Variants in ACSM4 observed in about 807,000 individuals in gnomAD.
The protein encoded by ACSM4 is acyl-coenzyme A synthetase ACSM4, mitochondrial.
Under a neutral mutation model 73.0 loss-of-function variants are expected in ACSM4, and 66 were observed. That is an observed-to-expected ratio of 0.90 (90% CI 0.74 to 1.11). The LOEUF (loss-of-function observed/expected upper bound fraction) is 1.11, where lower values mean the gene tolerates loss of function less well. Among genes scored for constraint, ACSM4 ranks in the 50% least tolerant of loss-of-function variants. The pLI is 0.00. For missense variants in ACSM4, 645 were observed against 714.4 expected (o/e 0.90, Z 1.11); for synonymous variants, 222 against 254.0 (o/e 0.87, Z 1.20).
chr12:7,304,601 C>T, intron 1 of ACSM4, 69 bp downstream of exon 1: 1 of 1,497,280 alleles, frequency 6.7e-7, no homozygotes, highest in Non-Finnish European at 9.3e-7. Context: ...TTTCCTTGTT[C>T]TGTGGTCTAC....
In ACSM4 at chr12:7,310,668, A is replaced by T. The variant is rs373073091; in HGVS notation, c.542A>T (p.Glu181Val). The T allele has an allele frequency of 9.3e-6, 15 of 1,613,358 alleles. No homozygotes were observed. The African/African-American group carries it at 1.9e-4, about 20-fold the overall frequency. Residue 181 changes from glutamate (E) to valine (V), a missense_variant, in exon 3 of 13, where the codon GAG (glutamate) becomes GTG (valine). Transcript: ENST00000399422. ...VAPAVESIVLECPDLKTKLLV... is the reference protein window; with the variant it reads ...VAPAVESIVLVCPDLKTKLLV... ...CCAGCGGTGGAGTCCATTGTATTGG[A>T]GTGTCCTGACCTTAAGACAAAACTC...
rs117228679 is a variant in ACSM4 at position 7,306,670 on chromosome 12, A to G, written c.339A>G (p.Arg113=). ...NVLTKPCGLQ[R]GDRLAVILPR... ...TCACCAAGCCCTGTGGCCTGCAGAG[A>G]GGAGACCGTTTGGCCGTGATTCTGC... is the stretch of plus-strand genomic sequence containing the variant. Residue 113 remains arginine (R), a synonymous_variant, in exon 2 of 13, where the codon AGA becomes AGG. Transcript: ENST00000399422. 44 of 1,611,328 alleles carry G rather than the reference A, an allele frequency of 2.7e-5. No individual in the cohort carries two copies. The East Asian group carries it at 9.6e-4, about 35-fold the overall frequency.
Position 7,323,292 on chromosome 12 carries a change from G to C in ACSM4, c.1184G>C (p.Gly395Ala). The change falls in exon 8 of 13, where the codon GGA becomes GCA. Residue 395 changes from glycine to alanine, a missense_variant. Gly to Ala is a moderately conservative substitution (Grantham distance 60). Coordinates refer to ENST00000399422, the MANE Select transcript of ACSM4 (RefSeq NM_001080454.2). Reference sequence around the variant, plus strand: ...ATTAAACCAGGTTCAATGGGGAAAGGAATGCTGCCCTATGATGTCCAGGTA... The same window carrying C: ...ATTAAACCAGGTTCAATGGGGAAAGCAATGCTGCCCTATGATGTCCAGGTA... ...QEIKPGSMGK[G>A]MLPYDVQIID... The C allele has an allele frequency of 6.2e-7, 1 of 1,611,212 alleles. No individual in the cohort carries two copies. Among genetic ancestry groups the C allele is most frequent in the Non-Finnish European group, 8.5e-7 (1 of 1,178,800 alleles).
At chr12:7,314,625 T>C (rs766640994) in intron 3 of ACSM4, among the ~76,000 whole-genome samples, 5 of 152,126 alleles carry the variant, frequency 3.3e-5, no homozygotes, top group East Asian at 1.9e-4. Context: ...GATAGATAGA[T>C]AGACAGATAG....
At chr12:7,318,301 A>G in intron 5 of ACSM4, 119 bp downstream of exon 5, 1 of 1,351,300 alleles carries the variant, frequency 7.4e-7, no homozygotes, top group Non-Finnish European at 1.0e-6. Flanking sequence ...TCATTTCTTT[A>G]TACAAAGCAA....
At position 7,328,710 on chromosome 12, in the gene ACSM4, A is replaced by C. The variant is rs181209324; in HGVS notation, c.*337A>C. 5.1e-4 allele frequency: 83 copies of C among 162,944 alleles called. No homozygotes were observed. Among genetic ancestry groups the C allele is most frequent in the Middle Eastern group, 3.1e-3 (1 of 324 alleles). 10.1% of individuals were successfully genotyped at this position (162,944 alleles called of 1,614,324 possible). A position where few individuals can be genotyped will look rare whatever the true frequency, so the allele number is the denominator to read the frequency against. On this transcript the variant is annotated 3_prime_UTR_variant, in exon 13 of 13. Coordinates refer to ENST00000399422, the MANE Select transcript of ACSM4 (RefSeq NM_001080454.2). ...CTTGTGCCTGATTGATTCAAAATAA[A>C]CATATATCCTAAGAGAAATGTTCAA...
Position 7,322,572 on chromosome 12 carries a change from A to G in ACSM4, c.1125+31A>G, listed in dbSNP as rs777843258. 6.3e-6 allele frequency: 10 copies of G among 1,584,956 alleles called. No individual in the cohort carries two copies. The South Asian group carries it at 1.2e-4, about 18-fold the overall frequency. ...TCTAAAGGGCATTTATGTTTAGTAT[A>G]TGTGGGGGCCTTTCTGCCCCAGGTT... is the stretch of plus-strand genomic sequence containing the variant. On this transcript the variant is annotated intron_variant, in intron 7 of 12. Transcript: ENST00000399422.
chr12:7,310,696 G>C lies in ACSM4; in HGVS notation c.570G>C (p.Leu190=), dbSNP rs377414360. Residue 190 remains leucine, a synonymous_variant, in exon 3 of 13, where the codon CTG becomes CTC. Transcript: ENST00000399422. ...LECPDLKTKL[L]VSPQSWNGWL... ...GTCCTGACCTTAAGACAAAACTCCT[G>C]GTGTCTCCACAAAGCTGGAATGGGT... 21 of 1,613,322 alleles carry C rather than the reference G, an allele frequency of 1.3e-5. No individual in the cohort carries two copies. Among genetic ancestry groups the C allele is most frequent in the Non-Finnish European group, 1.8e-5 (21 of 1,179,692 alleles).
Position 7,307,120 on chromosome 12 carries a change from G to A in ACSM4, c.412+377G>A, listed in dbSNP as rs965713222. Among the ~76,000 whole-genome samples, 3 of 152,128 alleles carry A rather than the reference G, an allele frequency of 2.0e-5. 1 individual carries two copies. The highest frequency in any genetic ancestry group is 4.4e-5 in the Non-Finnish European group (3 of 68,018). On this transcript the variant is annotated intron_variant, in intron 2 of 12. Coordinates refer to ENST00000399422, the MANE Select transcript of ACSM4 (RefSeq NM_001080454.2). ...ACACAAAAAATTACCCAGTTGTGGT[G>A]GTGTGTGCCTGTAATCCCAGCTACT...
intron 11 of ACSM4, among the ~76,000 whole-genome samples, chr12:7,324,992 A>C (rs1348824387): frequency 1.3e-5 from 2 of 152,206 alleles, no homozygotes; most frequent in African/African-American, 4.8e-5. Context: ...CCTACTTGAT[A>C]GCAACCAACT....
intron 5 of ACSM4, 29 bp downstream of exon 5, chr12:7,318,211 C>T: frequency 6.2e-7 from 1 of 1,603,316 alleles, no homozygotes; most frequent in Non-Finnish European, 8.5e-7. Flanking sequence ...CTAGATAGAT[C>T]TTTAGAGTTC....
intron 3 of ACSM4, among the ~76,000 whole-genome samples, chr12:7,313,635 A>G (rs1490308165): frequency 6.6e-6 from 1 of 152,206 alleles, no homozygotes; most frequent in Non-Finnish European, 1.5e-5. Context: ...TTTCTGTCCT[A>G]GTACAAAGGA....
In ACSM4 at chr12:7,320,875, T is replaced by A; in HGVS notation, c.1001+71T>A. The A allele has an allele frequency of 2.3e-6, 3 of 1,320,262 alleles. No homozygotes were observed. The South Asian group carries it at 3.7e-5, about 16-fold the overall frequency. 81.8% of individuals were successfully genotyped at this position (1,320,262 alleles called of 1,614,324 possible). ...ATCCAGGATCACAGATCTCTCTTTTTCAGCATAGGATAGCTCAGGCTTTCT... is the reference window on the plus strand; with the variant it reads ...ATCCAGGATCACAGATCTCTCTTTTACAGCATAGGATAGCTCAGGCTTTCT... On this transcript the variant is annotated intron_variant, in intron 6 of 12. Coordinates refer to ENST00000399422, the MANE Select transcript of ACSM4 (RefSeq NM_001080454.2).
intron 6 of ACSM4, among the ~76,000 whole-genome samples, chr12:7,321,951 C>T (rs1267733856): frequency 2.6e-5 from 4 of 152,182 alleles, no homozygotes. Context: ...AGTATCAACT[C>T]AGTCCTTTAT....
intron 3 of ACSM4, among the ~76,000 whole-genome samples, chr12:7,314,350 A>G (rs1946406306): frequency 6.6e-6 from 1 of 152,226 alleles, no homozygotes; most frequent in African/African-American, 2.4e-5. Context: ...GCAAAGATAC[A>G]AAGCAAGAAG....
chr12:7,324,503 C>T lies in ACSM4; in HGVS notation c.1441C>T (p.Arg481Cys), dbSNP rs371738171. The T allele has an allele frequency of 1.2e-5, 19 of 1,613,722 alleles. No homozygotes were observed. The highest frequency in any genetic ancestry group is 4.5e-5 in the East Asian group (2 of 44,880). The change falls in exon 11 of 13, where the codon CGT becomes TGT. Residue 481 changes from arginine (R) to cysteine (C), a missense_variant. Transcript: ENST00000399422. ...AAAACTTCTTTTCCTCTTCAGGTAC[C>T]GTATTGGGCCATTTGAAGTGGAGAG... ...ADDVIISSGYRIGPFEVESAL... is the reference protein window; with the variant it reads ...ADDVIISSGYCIGPFEVESAL...
rs1288392570 is a variant in ACSM4, at chr12:7,323,215, A to G, written c.1126-19A>G. The G allele has an allele frequency of 6.3e-7, 1 of 1,591,544 alleles. No individual in the cohort carries two copies. Among genetic ancestry groups the G allele is most frequent in the Non-Finnish European group, 8.6e-7 (1 of 1,167,702 alleles). On this transcript the variant is annotated intron_variant, in intron 7 of 12. Coordinates refer to ENST00000399422, the MANE Select transcript of ACSM4 (RefSeq NM_001080454.2). ...ATATAAACTTTTGTATACTTATACA[A>G]AGCTTGTCCTCTCAATAGGGAATGA...
chr12:7,322,597 T>G, intron 7 of ACSM4, 56 bp downstream of exon 7: 1 of 1,546,442 alleles, frequency 6.5e-7, no homozygotes. Context: ...TGCCCCAGGT[T>G]TTTCAACTGA....
At chr12:7,325,369 GGGCACGGTGGCTCACGCCTGTAATCCC>G (rs1376570056) in intron 11 of ACSM4, among the ~76,000 whole-genome samples, 16 of 152,360 alleles carry the variant, frequency 1.1e-4, no homozygotes, top group Middle Eastern at 3.4e-3. Context: ...ATGGTGGGCT[GGGCACGGTGGCTCACGCCTGTAATCCC>G]GGCACTTTGG....
Sources: allele counts gnomAD v4.1 joint callset (sites outside exome capture counted in the v4.1 genomes callset), GRCh38; gene constraint gnomAD v4.1.1; transcripts MANE v1.5; gene names NCBI Gene and HGNC (gene_info 2026-07-23, HGNC 2026-07-21).